The following NRCAM variants were observed in gnomAD, a reference collection of about 807,000 sequenced individuals.
NRCAM encodes neuronal cell adhesion molecule, also known as NgCAM-related cell adhesion molecule.
A neutral mutation model predicts 156.5 loss-of-function variants in NRCAM; 83 were observed. The observed-to-expected ratio is 0.53, with a 90% CI of 0.44 to 0.64. NRCAM has a LOEUF of 0.64. Among genes scored for constraint, NRCAM ranks in the 30% least tolerant of loss-of-function variants. The pLI is 0.00. For synonymous variants in NRCAM, 538 were observed against 563.9 expected, an observed-to-expected ratio of 0.95 and a Z score of 0.65; for missense variants, 1,417 against 1,597.3, an observed-to-expected ratio of 0.89 and a Z score of 1.92.
chr7:108,176,567 T>C lies in NRCAM; in HGVS notation c.3014A>G (p.Lys1005Arg). Residue 1005 changes from lysine to arginine, a missense_variant, in exon 27 of 33, where the codon AAA becomes AGA. Physicochemically the swap from Lys to Arg is conservative, Grantham distance 26. Coordinates refer to ENST00000379028, the MANE Select transcript of NRCAM (RefSeq NM_001037132.4). ...CCACCGTGTCTTGTTGGCAGGAATT[T>C]TCAAATCTACCAGAGGGCCTAATTC... ...THELGPLVDL[K>R]IPANKTRWTL... The C allele has an allele frequency of 6.2e-7, 1 of 1,613,712 alleles. No individual in the cohort carries two copies. The highest frequency in any genetic ancestry group is 1.1e-5 in the South Asian group (1 of 91,050).
At chr7:108,361,475 CA>C (rs1407083185) in intron 2 of NRCAM, among the ~76,000 whole-genome samples, 2 of 152,194 alleles carry the variant, frequency 1.3e-5, no homozygotes, top group Non-Finnish European at 2.9e-5. Flanking sequence ...CTGAATTGAA[CA>C]AAGAGGCTGA....
intron 13 of NRCAM, among the ~76,000 whole-genome samples, chr7:108,201,365 TC>T (rs951575909): frequency 6.6e-6 from 1 of 151,982 alleles, no homozygotes; most frequent in Non-Finnish European, 1.5e-5. Context: ...CAGGCAGAGC[TC>T]TGGGCCGAAT....
intron 1 of NRCAM, among the ~76,000 whole-genome samples, chr7:108,412,365 T>C (rs913776059): frequency 1.3e-5 from 2 of 151,098 alleles, no homozygotes; most frequent in Admixed American, 6.6e-5. Flanking sequence ...TGTGAGACCT[T>C]TGCAGTAACT....
Position 108,166,914 on chromosome 7 carries a change from G to C in NRCAM, c.3466+7C>G. 1 of 1,613,234 alleles carries C rather than the reference G, an allele frequency of 6.2e-7. No homozygotes were observed. Among genetic ancestry groups the C allele is most frequent in the East Asian group, 2.2e-5 (1 of 44,830 alleles). On this transcript the variant is annotated splice_region_variant and intron_variant, in intron 30 of 32. Coordinates refer to ENST00000379028, the MANE Select transcript of NRCAM (RefSeq NM_001037132.4). The stretch of plus-strand genomic sequence containing the variant: ...GGGAGCCAGAACAGGTGTGGTGTGA[G>C]CCTCACCTGGGCCTGTCTCAAACAC...
chr7:108,310,960 A>G (rs916298552), intron 3 of NRCAM, among the ~76,000 whole-genome samples: 1 of 152,164 alleles, frequency 6.6e-6, no homozygotes, highest in African/African-American at 2.4e-5. Context: ...TACCCTTCAC[A>G]CGATGGAAGA....
chr7:108,208,139 CAA>C (rs10616664), intron 12 of NRCAM, among the ~76,000 whole-genome samples: 104,186 of 140,378 alleles, frequency 0.74, 38,263 homozygotes, highest in East Asian at 0.85. Context: ...ATTAAAAATA[CAA>C]AAAAAAAAAA....
chr7:108,433,415 G>C (rs1828171554), intron 1 of NRCAM, among the ~76,000 whole-genome samples: 2 of 152,150 alleles, frequency 1.3e-5, no homozygotes, highest in Admixed American at 6.6e-5. Context: ...CCAAAGTGTG[G>C]TTTGGGAGAC....
intron 3 of NRCAM, among the ~76,000 whole-genome samples, chr7:108,268,304 T>A (rs1430700227): frequency 2.6e-5 from 4 of 152,256 alleles, no homozygotes; most frequent in Middle Eastern, 3.4e-3. Context: ...AAGCAGTGGA[T>A]GTTCCAAAAC....
At chr7:108,374,190 G>C (rs540583532) in intron 2 of NRCAM, among the ~76,000 whole-genome samples, 1 of 152,216 alleles carries the variant, frequency 6.6e-6, no homozygotes, top group Admixed American at 6.6e-5. Context: ...CTAGTAACTA[G>C]GGCTCTGAAG....
chr7:108,338,636 G>T (rs1306236915), intron 2 of NRCAM, among the ~76,000 whole-genome samples: 15 of 151,392 alleles, frequency 9.9e-5, no homozygotes, highest in African/African-American at 2.9e-4. Flanking sequence ...AGAGGGGAGA[G>T]ACACAGAGAG....
At chr7:108,189,601 T>C (rs1256430716) in intron 20 of NRCAM, 44 bp downstream of exon 20, 4 of 810,510 alleles carry the variant, frequency 4.9e-6, no homozygotes, top group Non-Finnish European at 8.7e-6. Context: ...GCTTCAAACA[T>C]GGCCATTTAG....
intron 3 of NRCAM, among the ~76,000 whole-genome samples, chr7:108,263,384 A>C (rs1447026170): frequency 6.6e-6 from 1 of 152,252 alleles, no homozygotes; most frequent in Non-Finnish European, 1.5e-5. Context: ...TTAGAAAGAA[A>C]GAAATCCTCT....
chr7:108,351,191 C>T (rs2099409987), intron 2 of NRCAM, among the ~76,000 whole-genome samples: 1 of 152,052 alleles, frequency 6.6e-6, no homozygotes, highest in Admixed American at 6.6e-5. Context: ...GAGTTTGGCC[C>T]CCCTCCTCTC....
chr7:108,285,717 A>G (rs1012092425), intron 3 of NRCAM, among the ~76,000 whole-genome samples: 4 of 152,212 alleles, frequency 2.6e-5, no homozygotes, highest in Admixed American at 2.0e-4. Context: ...ATCATTCACT[A>G]TATTTTGTCA....
At chr7:108,175,926 A>G (rs2060298201) in intron 27 of NRCAM, among the ~76,000 whole-genome samples, 1 of 152,094 alleles carries the variant, frequency 6.6e-6, no homozygotes, top group Non-Finnish European at 1.5e-5. Context: ...AAATAAATGC[A>G]CTCTTTAATA....
At chr7:108,303,540 G>A (rs1387458847) in intron 3 of NRCAM, among the ~76,000 whole-genome samples, 3 of 152,072 alleles carry the variant, frequency 2.0e-5, no homozygotes, top group African/African-American at 4.8e-5. Context: ...CTCTGACCAC[G>A]TGACTCCTGT....
chr7:108,442,889 A>G (rs1282952862), intron 1 of NRCAM, among the ~76,000 whole-genome samples: 1 of 152,254 alleles, frequency 6.6e-6, no homozygotes. Context: ...GTTAAAAAGA[A>G]GCTGCGAGAA....
chr7:108,371,624 G>C (rs2154342338), intron 2 of NRCAM, among the ~76,000 whole-genome samples: 1 of 152,210 alleles, frequency 6.6e-6, no homozygotes, highest in Middle Eastern at 3.4e-3. Flanking sequence ...ATATCTCTAG[G>C]TGTAAGGCAC....
chr7:108,307,286 C>G (rs561806746), intron 3 of NRCAM, among the ~76,000 whole-genome samples: 1 of 152,170 alleles, frequency 6.6e-6, no homozygotes, highest in Non-Finnish European at 1.5e-5. Flanking sequence ...TTAATCAACA[C>G]ATTCAAGGAA....
Sources: allele counts gnomAD v4.1 joint callset (sites outside exome capture counted in the v4.1 genomes callset), GRCh38; gene constraint gnomAD v4.1.1; transcripts MANE v1.5; gene names NCBI Gene and HGNC (gene_info 2026-07-23, HGNC 2026-07-21).